Variants in MEIKIN observed in about 807,000 individuals in gnomAD.
The protein encoded by MEIKIN is meiotic kinetochore factor.
chr5:131,874,181 C>A (rs1382172282), intron 9 of MEIKIN, among the ~76,000 whole-genome samples: 1 of 152,022 alleles, frequency 6.6e-6, no homozygotes, highest in Non-Finnish European at 1.5e-5. Flanking sequence ...ACAAAAAAAC[C>A]CTTCGAAAAA....
At chr5:131,917,967 C>T (rs534301703) in intron 6 of MEIKIN, among the ~76,000 whole-genome samples, 42 of 152,260 alleles carry the variant, frequency 2.8e-4, no homozygotes, top group African/African-American at 1.0e-3. Flanking sequence ...CAGGCATAGC[C>T]TATAACTCAA....
chr5:131,897,783 T>C (rs1189295831), intron 8 of MEIKIN, among the ~76,000 whole-genome samples: 4 of 152,210 alleles, frequency 2.6e-5, no homozygotes, highest in Admixed American at 6.5e-5. Flanking sequence ...TAGTTAGCCA[T>C]TCGTCTAACC....
intron 11 of MEIKIN, among the ~76,000 whole-genome samples, chr5:131,843,661 C>T (rs1276147860): frequency 2.6e-5 from 4 of 152,222 alleles, no homozygotes; most frequent in Non-Finnish European, 2.9e-5. Context: ...AGTTCCTCAG[C>T]TCCATCTGAG....
chr5:131,940,265 A>G (rs1751847762), intron 4 of MEIKIN, among the ~76,000 whole-genome samples: 1 of 152,218 alleles, frequency 6.6e-6, no homozygotes, highest in African/African-American at 2.4e-5. Flanking sequence ...AGGAGAGAAA[A>G]GCATTTCCTG....
chr5:131,838,826 G>C (rs1270888122), intron 11 of MEIKIN, among the ~76,000 whole-genome samples: 2 of 151,650 alleles, frequency 1.3e-5, no homozygotes, highest in Non-Finnish European at 2.9e-5. Context: ...TTGATCTTTT[G>C]AATGGTTTTT....
rs188730304 is a variant in MEIKIN, at chr5:131,825,857, C to T, written c.976-6994G>A. Among the ~76,000 whole-genome samples, 319 of 152,182 alleles carry T rather than the reference C, an allele frequency of 2.1e-3. 1 individual carries two copies. The highest frequency in any genetic ancestry group is 7.4e-3 in the African/African-American group (309 of 41,534). On this transcript the variant is annotated intron_variant, in intron 11 of 12. Transcript: ENST00000442687. ...TTCCTGCATACATACAAGGCAATGA[C>T]AATTATACTATTAGGACAACTGTAA...
At chr5:131,850,520 C>T (rs1333701938) in intron 11 of MEIKIN, among the ~76,000 whole-genome samples, 1 of 152,124 alleles carries the variant, frequency 6.6e-6, no homozygotes, top group Non-Finnish European at 1.5e-5. Flanking sequence ...GGAATAAACC[C>T]TCACATATAT....
rs1287086844 is a variant in MEIKIN, at chr5:131,941,138, CTTCCTTTTT to C, written c.349+1488_349+1496del. Among the ~76,000 whole-genome samples, 7 of 116,532 alleles carry C rather than the reference CTTCCTTTTT, an allele frequency of 6.0e-5. No homozygotes were observed. In the East Asian group the frequency reaches 1.5e-3, roughly 25 times the overall value. The allele number at this position is 116,532 out of a possible 152,430, so 76.4% of individuals were successfully genotyped here. On this transcript the variant is annotated intron_variant, in intron 4 of 12. Transcript: ENST00000442687. ...CGCCTTGACAATTCCTTCAAGATCT[CTTCCTTTTT>C]TTTTTTTTTTTTTTTTTTTTTTTTT...
At chr5:131,891,142 T>C (rs942928058) in intron 8 of MEIKIN, among the ~76,000 whole-genome samples, 2 of 152,186 alleles carry the variant, frequency 1.3e-5, no homozygotes, top group African/African-American at 4.8e-5. Flanking sequence ...TCCAACTATG[T>C]GGTCAATTTT....
chr5:131,868,297 C>T (rs1457165394), intron 9 of MEIKIN, among the ~76,000 whole-genome samples: 2 of 152,150 alleles, frequency 1.3e-5, no homozygotes, highest in Non-Finnish European at 2.9e-5. Flanking sequence ...GTTGCCCAGG[C>T]TAGTCTTGAA....
intron 4 of MEIKIN, among the ~76,000 whole-genome samples, chr5:131,934,437 G>T (rs1271366817): frequency 6.6e-6 from 1 of 152,006 alleles, no homozygotes; most frequent in Non-Finnish European, 1.5e-5. Context: ...ACTGATTTTT[G>T]ACCAATATGT....
chr5:131,905,373 C>A (rs150400487), intron 8 of MEIKIN, among the ~76,000 whole-genome samples: 1 of 151,672 alleles, frequency 6.6e-6, no homozygotes, highest in Non-Finnish European at 1.5e-5. Context: ...AACCTAATAC[C>A]GCAACTAGAG....
chr5:131,893,166 TTGTC>T (rs368632410), intron 8 of MEIKIN, among the ~76,000 whole-genome samples: 18,801 of 152,222 alleles, frequency 0.12, 1,425 homozygotes, highest in Middle Eastern at 0.2. Context: ...TGCGTTTTGT[TTGTC>T]TGTGCCCTGT....
chr5:131,891,281 T>G (rs956423634), intron 8 of MEIKIN, among the ~76,000 whole-genome samples: 3 of 152,206 alleles, frequency 2.0e-5, no homozygotes, highest in Non-Finnish European at 4.4e-5. Flanking sequence ...TTGTTAACTT[T>G]CTGTCTTGTT....
intron 5 of MEIKIN, among the ~76,000 whole-genome samples, chr5:131,929,552 T>C (rs1311110103): frequency 6.6e-6 from 1 of 152,128 alleles, no homozygotes; most frequent in Non-Finnish European, 1.5e-5. Flanking sequence ...TTATTTTAGA[T>C]ATAGGGGGTA....
At chr5:131,808,006 A>G (rs758486410) in intron 12 of MEIKIN, among the ~76,000 whole-genome samples, 1 of 152,226 alleles carries the variant, frequency 6.6e-6, no homozygotes, top group Non-Finnish European at 1.5e-5. Context: ...TATCTTTGCT[A>G]TTCAAAGTGG....
In MEIKIN at chr5:131,874,938, C is replaced by T. The variant is rs572163324; in HGVS notation, c.774+4040G>A. Among the ~76,000 whole-genome samples, 6 of 152,302 alleles carry T rather than the reference C, an allele frequency of 3.9e-5. No homozygotes were observed. The South Asian group carries it at 1.2e-3, about 32-fold the overall frequency. On this transcript the variant is annotated intron_variant, in intron 9 of 12. Coordinates refer to ENST00000442687, the MANE Select transcript of MEIKIN (RefSeq NM_001303622.2). ...TGCAGAAAAGGCCTTCAACAAAATT[C>T]AACAACACTTCATGCTAAAAACTCT...
At chr5:131,880,190 A>G (rs1191554804) in intron 8 of MEIKIN, among the ~76,000 whole-genome samples, 1 of 152,010 alleles carries the variant, frequency 6.6e-6, no homozygotes, top group African/African-American at 2.4e-5. Flanking sequence ...CCCGGGTTCA[A>G]GCGATTCTCC....
chr5:131,861,925 T>C (rs1185977232), intron 9 of MEIKIN, among the ~76,000 whole-genome samples: 1 of 152,202 alleles, frequency 6.6e-6, no homozygotes, highest in Non-Finnish European at 1.5e-5. Flanking sequence ...TGTTGTTGTG[T>C]CCTTGTTTAG....
Sources: gnomAD v4.1 joint callset for allele counts (sites outside exome capture counted in the v4.1 genomes callset) on GRCh38, gnomAD v4.1.1 for gene constraint, MANE v1.5 for transcripts, NCBI Gene and HGNC (gene_info 2026-07-23, HGNC 2026-07-21) for gene names.